Variants in MUC4 observed in about 807,000 individuals in gnomAD.
The protein encoded by MUC4 is mucin 4, cell surface associated, also known as mucin-4.
Under a neutral mutation model 257.9 loss-of-function variants are expected in MUC4, and 202 were observed. The observed-to-expected ratio is 0.78, with a 90% CI of 0.70 to 0.88. MUC4 has a LOEUF of 0.88. Among genes scored for constraint, MUC4 ranks in the 40% least tolerant of loss-of-function variants. The pLI is 0.00. For missense variants in MUC4, 5,976 were observed against 6,513.7 expected, an observed-to-expected ratio of 0.92 and a Z score of 2.84; for synonymous variants, 2,351 against 2,757.1, an observed-to-expected ratio of 0.85 and a Z score of 4.62.
Position 195,770,214 on chromosome 3 carries a change from AC to A in MUC4, c.13398+1del. 6.2e-7 allele frequency: 1 copy of A among 1,600,426 alleles called. No homozygotes were observed. Among genetic ancestry groups the A allele is most frequent in the Non-Finnish European group, 8.5e-7 (1 of 1,174,384 alleles). On this transcript the variant is annotated splice_donor_variant, in intron 6 of 24. Coordinates refer to ENST00000463781, the MANE Select transcript of MUC4 (RefSeq NM_018406.7). LOFTEE classifies it high-confidence loss of function. Reference sequence around the variant, plus strand: ...CTGGGAGCTGCCCAGGGGTCTACTCACCCCGAGGGTCCACTGGGCAGGATAG... The same window carrying A: ...CTGGGAGCTGCCCAGGGGTCTACTCACCCGAGGGTCCACTGGGCAGGATAG...
intron 1 of MUC4, among the ~76,000 whole-genome samples, chr3:195,798,188 T>G (rs1734792535): frequency 6.6e-6 from 1 of 152,238 alleles, no homozygotes; most frequent in South Asian, 2.1e-4. Flanking sequence ...TTTTTAAGAC[T>G]ATAGTGTTTA....
In MUC4 at chr3:195,788,970, G is replaced by T. The variant is rs979886467; in HGVS notation, c.2610C>A (p.Gly870=). Residue 870 remains glycine (G), a synonymous_variant, in exon 2 of 25, where the codon GGC becomes GGA. Transcript: ENST00000463781. The part of the protein sequence containing the change: ...STGMASSIVP[G]TFHPTLSEAS... ...CCTCAGAGAGGGTGGGATGAAAGGTGCCGGGGACGATCGAAGACGCCATTC... is the reference window on the plus strand; with the variant it reads ...CCTCAGAGAGGGTGGGATGAAAGGTTCCGGGGACGATCGAAGACGCCATTC... The T allele has an allele frequency of 6.2e-7, 1 of 1,613,710 alleles. No homozygotes were observed. Among genetic ancestry groups the T allele is most frequent in the Non-Finnish European group, 8.5e-7 (1 of 1,179,782 alleles).
At chr3:195,773,868 G>C (rs1424428237) in intron 4 of MUC4, among the ~76,000 whole-genome samples, 1 of 152,260 alleles carries the variant, frequency 6.6e-6, no homozygotes, top group Non-Finnish European at 1.5e-5. Flanking sequence ...CAGGAGGCAG[G>C]GACCAGGGGG....
intron 15 of MUC4, 49 bp downstream of exon 15, chr3:195,761,435 C>G (rs201488949): frequency 1.9e-5 from 28 of 1,463,940 alleles, no homozygotes; most frequent in South Asian, 2.3e-5. Context: ...CATAAACATA[C>G]CGGCTCCCCT....
In MUC4 at chr3:195,778,391, T is replaced by A. The variant is rs749069531; in HGVS notation, c.12855A>T (p.Thr4285=). 6.2e-7 allele frequency: 1 copy of A among 1,613,052 alleles called. No individual in the cohort carries two copies. Reference sequence around the variant, plus strand: ...TGGTGGAAATGATGGTCTGGGAGGTTGTGGGGGGTGGTGATGTGGCTGTGC... The same window carrying A: ...TGGTGGAAATGATGGTCTGGGAGGTAGTGGGGGGTGGTGATGTGGCTGTGC... ...GRRTATSPPP[T]TSQTIISTIP... is the part of the protein sequence containing the mutation. The change falls in exon 3 of 25, where the codon ACA becomes ACT. Residue 4285 remains threonine, a synonymous_variant. Coordinates refer to ENST00000463781, the MANE Select transcript of MUC4 (RefSeq NM_018406.7).
intron 12 of MUC4, 21 bp from the exon 13 acceptor site, chr3:195,762,966 G>A (rs1436060471): frequency 1.3e-6 from 2 of 1,521,840 alleles, no homozygotes; most frequent in Non-Finnish European, 1.8e-6. Context: ...ATGGGAGGGG[G>A]CCTGAGCCCG....
Position 195,780,981 on chromosome 3 carries a change from G to C in MUC4, c.10599C>G (p.His3533Gln), listed in dbSNP as rs553180031. The part of the protein sequence containing the change: ...VTDTSSVSTG[H>Q]ATPLPVTSLS... ...GGCTGGTGACAGGAAGAGGCGTGGC[G>C]TGACCGGTGGATACTGAGGAAGTGT... Residue 3533 changes from histidine (H) to glutamine (Q), a missense_variant, in exon 2 of 25, where the codon CAC becomes CAG. By Grantham distance (24) the His-to-Gln change is conservative. Transcript: ENST00000463781. The C allele has an allele frequency of 1.9e-5, 28 of 1,501,380 alleles. 3 individuals are homozygous for C. Among genetic ancestry groups the C allele is most frequent in the Non-Finnish European group, 2.3e-5 (26 of 1,116,558 alleles). 93.0% of individuals were successfully genotyped at this position (1,501,380 alleles called of 1,614,324 possible). A position where few individuals can be genotyped will look rare whatever the true frequency, so the allele number is the denominator to read the frequency against.
chr3:195,787,787 G>A lies in MUC4; in HGVS notation c.3793C>T (p.Leu1265Phe), dbSNP rs1454353407. The A allele has an allele frequency of 1.7e-5, 11 of 645,738 alleles. No homozygotes were observed. The highest frequency in any genetic ancestry group is 2.2e-5 in the Non-Finnish European group (10 of 444,460). 40.0% of individuals were successfully genotyped at this position (645,738 alleles called of 1,614,324 possible). The change falls in exon 2 of 25, where the codon CTT (leucine) becomes TTT (phenylalanine). Residue 1265 changes from leucine to phenylalanine, a missense_variant. Leu to Phe is a conservative substitution (Grantham distance 22). Transcript: ENST00000463781. Reference sequence around the variant, plus strand: ...ACTGAGGAAGTGTCGGTGACAAGAAGAGAGGTGGCCTGACCTGTGGATGCT... The same window carrying A: ...ACTGAGGAAGTGTCGGTGACAAGAAAAGAGGTGGCCTGACCTGTGGATGCT... ...SSASTGQATS[L>F]LVTDTSSVST...
chr3:195,747,521 GC>G, intron 24 of MUC4, 141 bp from the exon 25 acceptor site: 1 of 1,057,350 alleles, frequency 9.5e-7, no homozygotes, highest in South Asian at 1.5e-5. Context: ...CAGCCCTGAG[GC>G]CGTGCTGAAG....
intron 10 of MUC4, among the ~76,000 whole-genome samples, chr3:195,764,725 G>A (rs890300814): frequency 6.6e-6 from 1 of 152,142 alleles, no homozygotes; most frequent in Non-Finnish European, 1.5e-5. Context: ...CAGGGACGGG[G>A]TCAGCCTAGG....
chr3:195,766,599 G>A lies in MUC4; in HGVS notation c.13618+64C>T, dbSNP rs572461734. On this transcript the variant is annotated intron_variant, in intron 8 of 24. Coordinates refer to ENST00000463781, the MANE Select transcript of MUC4 (RefSeq NM_018406.7). ...AGGTGCCCTCTAGGACTGCGATGGTGTATGGGCTGGAGGACACGCGAGGGC... is the reference window on the plus strand; with the variant it reads ...AGGTGCCCTCTAGGACTGCGATGGTATATGGGCTGGAGGACACGCGAGGGC... The A allele has an allele frequency of 9.5e-5, 138 of 1,445,224 alleles. No homozygotes were observed. In the African/African-American group the frequency reaches 1.4e-3, roughly 15 times the overall value. The allele number at this position is 1,445,224 out of a possible 1,614,324, so 89.5% of individuals were successfully genotyped here.
chr3:195,789,795 G>T lies in MUC4; in HGVS notation c.1785C>A (p.Ser595=), dbSNP rs774582749. The T allele has an allele frequency of 1.2e-6, 2 of 1,613,950 alleles. No individual in the cohort carries two copies. Among genetic ancestry groups the T allele is most frequent in the Non-Finnish European group, 1.7e-6 (2 of 1,179,848 alleles). ...TATCCAGCATAGGTGAAGAAGATGG[G>T]GATGTGGCCGTTTTTATCATCTGAG... ...SVTQMIKTAT[S]PSSSPMLDRH... Residue 595 remains serine (S), a synonymous_variant, in exon 2 of 25, where the codon TCC becomes TCA. Transcript: ENST00000463781.
At chr3:195,767,002 T>C (rs1243936417) in intron 7 of MUC4, among the ~76,000 whole-genome samples, 1 of 152,102 alleles carries the variant, frequency 6.6e-6, no homozygotes, top group African/African-American at 2.4e-5. Flanking sequence ...AACTGGCAGG[T>C]CCGCTTGGTC....
Position 195,786,524 on chromosome 3 carries a change from G to A in MUC4, c.5056C>T (p.Leu1686Phe). 9.3e-7 allele frequency: 1 copy of A among 1,078,844 alleles called. No individual in the cohort carries two copies. The highest frequency in any genetic ancestry group is 1.2e-6 in the Non-Finnish European group (1 of 813,210). 66.8% of individuals were successfully genotyped at this position (1,078,844 alleles called of 1,614,324 possible). A position where few individuals can be genotyped will look rare whatever the true frequency, so the allele number is the denominator to read the frequency against. The change falls in exon 2 of 25, where the codon CTT becomes TTT. Residue 1686 changes from leucine to phenylalanine, a missense_variant. Around this residue, in one of 44 missense-constraint regions of MUC4, gnomAD observed 138 missense variants for 107.8 expected, o/e 1.28. Coordinates refer to ENST00000463781, the MANE Select transcript of MUC4 (RefSeq NM_018406.7). ...GTGTCATCTGTGGTAGCTGAGGAAA[G>A]GCCGGTGACAGGAAGAGGGGTGGCG... is the stretch of plus-strand genomic sequence containing the variant. ...GHATPLPVTG[L>F]SSATTDDTTR...
rs956020508 is a variant in MUC4, at chr3:195,762,921, C to G, written c.14278G>C (p.Asp4760His). Reference sequence around the variant, plus strand: ...TTATCCAGCAGGACACGGATTGCGTCGTGAGGCTCAAGGAGCCATTGGACC... The same window carrying G: ...TTATCCAGCAGGACACGGATTGCGTGGTGAGGCTCAAGGAGCCATTGGACC... Reference protein sequence around the residue: ...VTVQWLLEPHDAIRVLLDNQT... With the variant: ...VTVQWLLEPHHAIRVLLDNQT... Residue 4760 changes from aspartate to histidine, a missense_variant, in exon 13 of 25, where the codon GAC becomes CAC. This residue lies in a region of MUC4 where 996 missense variants were observed against 1,137.3 expected (regional missense o/e 0.88). Transcript: ENST00000463781. The G allele has an allele frequency of 3.8e-6, 6 of 1,568,640 alleles. No individual in the cohort carries two copies. Among genetic ancestry groups the G allele is most frequent in the Non-Finnish European group, 5.2e-6 (6 of 1,158,530 alleles).
rs751692410 is a variant in MUC4 at position 195,789,721 on chromosome 3, G to A, written c.1859C>T (p.Thr620Ile). 6.2e-7 allele frequency: 1 copy of A among 1,613,966 alleles called. No individual in the cohort carries two copies. Among genetic ancestry groups the A allele is most frequent in the Non-Finnish European group, 8.5e-7 (1 of 1,179,850 alleles). ...AGGAGAGGTGCTTGTGGAATGTATTGTTGAATGATTTGTTGATGGTGCCGT... is the reference window on the plus strand; with the variant it reads ...AGGAGAGGTGCTTGTGGAATGTATTATTGAATGATTTGTTGATGGTGCCGT... ...ITTAPSTNHS[T>I]IHSTSTSPQE... The change falls in exon 2 of 25, where the codon ACA becomes ATA. Residue 620 changes from threonine to isoleucine, a missense_variant. Physicochemically the swap from Thr to Ile is moderately conservative, Grantham distance 89. Coordinates refer to ENST00000463781, the MANE Select transcript of MUC4 (RefSeq NM_018406.7).
intron 8 of MUC4, among the ~76,000 whole-genome samples, chr3:195,765,688 G>A (rs778123550): frequency 5.3e-4 from 81 of 152,220 alleles, no homozygotes; most frequent in Non-Finnish European, 6.0e-4. Flanking sequence ...ACACTTCACA[G>A]TTCACGTGGC....
At chr3:195,811,007 C>T (rs1271156180) in intron 1 of MUC4, among the ~76,000 whole-genome samples, 1 of 151,972 alleles carries the variant, frequency 6.6e-6, no homozygotes, top group East Asian at 1.9e-4. Flanking sequence ...CGCCGGGCTG[C>T]TCTCTGGCCC....
Position 195,785,580 on chromosome 3 carries a change from A to T in MUC4, c.6000T>A (p.Pro2000=). 1 of 1,532,646 alleles carries T rather than the reference A, an allele frequency of 6.5e-7. No individual in the cohort carries two copies. Among genetic ancestry groups the T allele is most frequent in the Non-Finnish European group, 8.8e-7 (1 of 1,139,750 alleles). 94.9% of individuals were successfully genotyped at this position (1,532,646 alleles called of 1,614,324 possible). A position where few individuals can be genotyped will look rare whatever the true frequency, so the allele number is the denominator to read the frequency against. Reference sequence around the variant, plus strand: ...CTGAGGAAGTGTCGGTGACCGGAAGAGGGGTGGCATGACCTGTGGACACTG... The same window carrying T: ...CTGAGGAAGTGTCGGTGACCGGAAGTGGGGTGGCATGACCTGTGGACACTG... ...ASSVSTGHAT[P]LPVTDTSSVS... The change falls in exon 2 of 25, where the codon CCT becomes CCA. Residue 2000 remains proline (P), a synonymous_variant. Coordinates refer to ENST00000463781, the MANE Select transcript of MUC4 (RefSeq NM_018406.7).
Sources: gnomAD v4.1 joint callset for allele counts (sites outside exome capture counted in the v4.1 genomes callset) on GRCh38, gnomAD v4.1.1 for gene constraint, gnomAD v4.1.1 regional missense constraint, MANE v1.5 for transcripts, NCBI Gene and HGNC (gene_info 2026-07-23, HGNC 2026-07-21) for gene names.